Variants in THEM5 observed in about 807,000 individuals in gnomAD.
The protein encoded by THEM5 is thioesterase superfamily member 5, also known as acyl-coenzyme A thioesterase THEM5.
A neutral mutation model predicts 24.2 loss-of-function variants in THEM5; 28 were observed. The observed-to-expected ratio is 1.16, with a 90% CI of 0.86 to 1.59. The LOEUF (loss-of-function observed/expected upper bound fraction) is 1.59. THEM5 is among the 40% of genes most tolerant of loss of function. THEM5 has a pLI of 0.00. For synonymous variants in THEM5, 87 were observed against 114.5 expected, an observed-to-expected ratio of 0.76 and a Z score of 1.53; for missense variants, 260 against 296.8, an observed-to-expected ratio of 0.88 and a Z score of 0.91.
At chr1:151,852,563 T>A in intron 1 of THEM5, 104 bp from the exon 2 acceptor site, 1 of 1,070,710 alleles carries the variant, frequency 9.3e-7, no homozygotes, top group South Asian at 1.4e-5. Context: ...GGCTTCTCAA[T>A]CCCTTCTGCC....
chr1:151,853,594 G>C lies in THEM5; in HGVS notation c.-29C>G, dbSNP rs951365410. On this transcript the variant is annotated 5_prime_UTR_variant, in exon 1 of 6. Transcript: ENST00000368817. ...CAAGTGCAAGGATCCAGCCCTGCTTGGATGGAGGGTCTTGGCTGACTCCCA... is the reference window on the plus strand; with the variant it reads ...CAAGTGCAAGGATCCAGCCCTGCTTCGATGGAGGGTCTTGGCTGACTCCCA... 3 of 1,595,508 alleles carry C rather than the reference G, an allele frequency of 1.9e-6. No homozygotes were observed. The highest frequency in any genetic ancestry group is 2.6e-6 in the Non-Finnish European group (3 of 1,170,256).
intron 1 of THEM5, 76 bp from the exon 2 acceptor site, chr1:151,852,535 G>T (rs1653158872): frequency 7.2e-7 from 1 of 1,395,278 alleles, no homozygotes; most frequent in Non-Finnish European, 1.0e-6. Context: ...CCTCTAAACA[G>T]CTGTTCCTGG....
At chr1:151,848,150 C>T in intron 4 of THEM5, 32 bp downstream of exon 4, 1 of 1,605,870 alleles carries the variant, frequency 6.2e-7, no homozygotes, top group Non-Finnish European at 8.5e-7. Flanking sequence ...AGGTCTGTGA[C>T]TTTGGCCAAT....
chr1:151,848,928 G>A (rs779350024), intron 3 of THEM5, among the ~76,000 whole-genome samples: 3 of 152,204 alleles, frequency 2.0e-5, no homozygotes, highest in Non-Finnish European at 4.4e-5. Flanking sequence ...TATTTAGAAT[G>A]CATAGAATGG....
chr1:151,847,477 ACT>A (rs1652969873), intron 5 of THEM5, 63 bp from the exon 6 acceptor site: 9 of 1,603,854 alleles, frequency 5.6e-6, no homozygotes, highest in African/African-American at 5.4e-5. Flanking sequence ...CTTGATGGAC[ACT>A]CTGAGCATTT....
intron 3 of THEM5, 71 bp downstream of exon 3, chr1:151,850,982 C>T: frequency 6.3e-7 from 1 of 1,586,320 alleles, no homozygotes; most frequent in South Asian, 1.1e-5. Context: ...CCAGGGCCAG[C>T]CTGGTGGGTG....
At chr1:151,849,544 A>G (rs1410225391) in intron 3 of THEM5, among the ~76,000 whole-genome samples, 1 of 152,208 alleles carries the variant, frequency 6.6e-6, no homozygotes, top group African/African-American at 2.4e-5. Flanking sequence ...ATCTTGAGCA[A>G]ATTGCTAAAC....
chr1:151,853,081 G>A (rs941584983), intron 1 of THEM5, among the ~76,000 whole-genome samples: 1 of 152,206 alleles, frequency 6.6e-6, no homozygotes, highest in African/African-American at 2.4e-5. Flanking sequence ...CCTCTGTAGC[G>A]TCACCTGCTC....
chr1:151,848,020 G>C (rs1235025527), intron 4 of THEM5, among the ~76,000 whole-genome samples, 158 bp from the exon 5 acceptor site: 1 of 152,184 alleles, frequency 6.6e-6, no homozygotes, highest in Non-Finnish European at 1.5e-5. Context: ...AAGTTGGACA[G>C]CAGAGGCTGT....
Position 151,847,659 on chromosome 1 carries a change from C to T in THEM5, c.700+79G>A. ...ACCGCAGCTTGGGATGAATCATTGG[C>T]ATCTTTTCTTCCTCCTGTTTGTTCT... On this transcript the variant is annotated intron_variant, in intron 5 of 5. Coordinates refer to ENST00000368817, the MANE Select transcript of THEM5 (RefSeq NM_182578.4). 3 of 1,473,724 alleles carry T rather than the reference C, an allele frequency of 2.0e-6. No individual in the cohort carries two copies. In the South Asian group the frequency reaches 3.4e-5, roughly 17 times the overall value. 91.3% of individuals were successfully genotyped at this position (1,473,724 alleles called of 1,614,324 possible). A position where few individuals can be genotyped will look rare whatever the true frequency, so the allele number is the denominator to read the frequency against.
intron 3 of THEM5, among the ~76,000 whole-genome samples, chr1:151,849,222 T>TAA (rs202129122): frequency 7.8e-6 from 1 of 128,896 alleles, no homozygotes. Flanking sequence ...GTCTCAAAAT[T>TAA]AAAAAAAAAA....
chr1:151,851,547 G>C (rs919278823), intron 2 of THEM5, among the ~76,000 whole-genome samples: 1 of 151,858 alleles, frequency 6.6e-6, no homozygotes, highest in Non-Finnish European at 1.5e-5. Context: ...GAGCAGAAAA[G>C]TCCATCAAAG....
At chr1:151,849,766 T>A (rs1653055938) in intron 3 of THEM5, among the ~76,000 whole-genome samples, 1 of 152,178 alleles carries the variant, frequency 6.6e-6, no homozygotes, top group African/African-American at 2.4e-5. Flanking sequence ...TGGGGACCCA[T>A]TGGCCAGTAT....
Position 151,852,429 on chromosome 1 carries a change from A to G in THEM5, c.154T>C (p.Leu52=). Residue 52 remains leucine, a synonymous_variant, in exon 2 of 6, where the codon TTG becomes CTG. Transcript: ENST00000368817. ...GCATTGGGAAGAGCATAATCCTTCA[A>G]GTCTGTCTTCTCTGGCAAGAATCTT... The part of the protein sequence containing the change: ...FSRFLPEKTD[L]KDYALPNASW... 1 of 1,614,168 alleles carries G rather than the reference A, an allele frequency of 6.2e-7. No homozygotes were observed. Among genetic ancestry groups the G allele is most frequent in the Non-Finnish European group, 8.5e-7 (1 of 1,180,032 alleles).
Position 151,847,173 on chromosome 1 carries a change from C to T in THEM5, c.*198G>A, listed in dbSNP as rs751846616. Reference sequence around the variant, plus strand: ...GCCTCACCAATTGCTGCTTGAGGACCCCTCCCTGCTCTTTGATGGGTCCCA... The same window carrying T: ...GCCTCACCAATTGCTGCTTGAGGACTCCTCCCTGCTCTTTGATGGGTCCCA... On this transcript the variant is annotated 3_prime_UTR_variant, in exon 6 of 6. Transcript: ENST00000368817. 3 of 811,672 alleles carry T rather than the reference C, an allele frequency of 3.7e-6. No homozygotes were observed. Among genetic ancestry groups the T allele is most frequent in the Non-Finnish European group, 6.4e-6 (3 of 469,372 alleles). The allele number at this position is 811,672 out of a possible 1,614,324, so 50.3% of individuals were successfully genotyped here.
At chr1:151,852,236 G>A in intron 2 of THEM5, 22 bp downstream of exon 2, 1 of 1,610,162 alleles carries the variant, frequency 6.2e-7, no homozygotes, top group Non-Finnish European at 8.5e-7. Context: ...TGGGGTGTGT[G>A]TACTCATGGT....
At chr1:151,851,526 C>T (rs1216140007) in intron 2 of THEM5, among the ~76,000 whole-genome samples, 3 of 151,938 alleles carry the variant, frequency 2.0e-5, no homozygotes, top group Non-Finnish European at 4.4e-5. Flanking sequence ...TAATAGTAAA[C>T]AGTAAAATAA....
intron 2 of THEM5, among the ~76,000 whole-genome samples, chr1:151,851,754 A>C (rs144924224): frequency 6.6e-6 from 1 of 152,296 alleles, no homozygotes; most frequent in African/African-American, 2.4e-5. Flanking sequence ...GGAGATACAC[A>C]TGCGTGCACA....
rs753923316 is a variant in THEM5, at chr1:151,851,176, C to T, written c.341G>A (p.Arg114His). 1.2e-5 allele frequency: 19 copies of T among 1,614,034 alleles called. No homozygotes were observed. Among genetic ancestry groups the T allele is most frequent in the Middle Eastern group, 1.6e-4 (1 of 6,082 alleles). The change falls in exon 3 of 6, where the codon CGC (arginine) becomes CAC (histidine). Residue 114 changes from arginine (R) to histidine (H), a missense_variant. Arg to His is a conservative substitution (Grantham distance 29). Transcript: ENST00000368817. ...CACTTGGATGCACCTGGTGAAGATG[C>T]GACAGTCACCTTTGTCTGGGGAGAG... is the stretch of plus-strand genomic sequence containing the variant. ...LAVSSDKGDCRIFTRCIQVEG... is the reference protein window; with the variant it reads ...LAVSSDKGDCHIFTRCIQVEG...
Sources: allele counts gnomAD v4.1 joint callset (sites outside exome capture counted in the v4.1 genomes callset), GRCh38; gene constraint gnomAD v4.1.1; transcripts MANE v1.5; gene names NCBI Gene and HGNC (gene_info 2026-07-23, HGNC 2026-07-21).